The following RAB11FIP3 variants were observed in gnomAD, a reference collection of about 807,000 sequenced individuals.
RAB11FIP3 encodes rab11 family-interacting protein 3.
RAB11FIP3 carries 17 observed loss-of-function variants against 77.8 expected under a neutral mutation model. The ratio of observed to expected loss-of-function variants is 0.22; its 90% CI spans 0.15 to 0.33. RAB11FIP3 has a LOEUF of 0.33. Among genes scored for constraint, RAB11FIP3 ranks in the 10% least tolerant of loss-of-function variants. RAB11FIP3 has a pLI of 1.00. For missense variants in RAB11FIP3, 1,005 were observed against 1,011.2 expected (o/e 0.99, Z 0.08); for synonymous variants, 437 against 448.2 (o/e 0.98, Z 0.31).
intron 7 of RAB11FIP3, among the ~76,000 whole-genome samples, chr16:504,877 TCACCTCCTCCTGCTCCCC>T (rs1214074844): frequency 1.1e-4 from 1 of 9,290 alleles, no homozygotes; most frequent in Non-Finnish European, 2.0e-4. Context: ...CTGTACCCCC[TCACCTCCTCCTGCTCCCC>T]CACCTCCTCC....
rs145080315 is a variant in RAB11FIP3, at chr16:468,906, G to A, written c.809-2389G>A. Among the ~76,000 whole-genome samples, 472 of 152,336 alleles carry A rather than the reference G, an allele frequency of 3.1e-3. 2 individuals carry two copies. The highest frequency in any genetic ancestry group is 0.011 in the African/African-American group (447 of 41,584). On this transcript the variant is annotated intron_variant, in intron 2 of 13. Transcript: ENST00000262305. ...TCCCCTGCTCCGCCCTCTGGGGCAA[G>A]ACCCTCAGATTGTTTGCCCACTGTC...
intron 1 of RAB11FIP3, among the ~76,000 whole-genome samples, chr16:431,842 C>T (rs1009519452): frequency 6.6e-6 from 1 of 151,646 alleles, no homozygotes; most frequent in Non-Finnish European, 1.5e-5. Flanking sequence ...CTGCAAGCTC[C>T]GCCTCCCGGG....
intron 8 of RAB11FIP3, among the ~76,000 whole-genome samples, chr16:509,799 C>T (rs2032044464): frequency 6.6e-6 from 1 of 152,160 alleles, no homozygotes; most frequent in Non-Finnish European, 1.5e-5. Context: ...CCGGATGTGC[C>T]CAGCTGCCAG....
At position 505,841 on chromosome 16, in the gene RAB11FIP3, G is replaced by A. The variant is rs1438067750; in HGVS notation, c.1499+214G>A. Among the ~76,000 whole-genome samples the A allele has an allele frequency of 2.0e-5, 3 of 152,280 alleles. No homozygotes were observed. The highest frequency in any genetic ancestry group is 7.2e-5 in the African/African-American group (3 of 41,558). On this transcript the variant is annotated intron_variant, in intron 8 of 13. Transcript: ENST00000262305. The surrounding 1 kb of genome is among the most constrained non-coding windows in gnomAD (Gnocchi z 4.0). ...CGAGGCTCTGACTGGTGCTCTCATG[G>A]AACCCTAGACACACAGAGGGCCAGA...
chr16:475,864 A>G (rs1249379782), intron 3 of RAB11FIP3, among the ~76,000 whole-genome samples: 1 of 148,330 alleles, frequency 6.7e-6, no homozygotes, highest in Non-Finnish European at 1.5e-5. Context: ...TTATTTTTTA[A>G]ATTGTTTTTT....
chr16:473,027 C>T (rs903613565), intron 3 of RAB11FIP3, among the ~76,000 whole-genome samples: 2 of 152,190 alleles, frequency 1.3e-5, no homozygotes, highest in African/African-American at 2.4e-5. Context: ...TAGGCAGGAG[C>T]CAGCCCTGCT....
At chr16:492,814 A>T (rs1020517043) in intron 5 of RAB11FIP3, among the ~76,000 whole-genome samples, 8 of 152,094 alleles carry the variant, frequency 5.3e-5, no homozygotes, top group South Asian at 2.1e-4. Context: ...TTTTTCCCAC[A>T]TTGAGAACTA....
chr16:466,813 C>A (rs1427314321), intron 2 of RAB11FIP3, among the ~76,000 whole-genome samples: 1 of 152,218 alleles, frequency 6.6e-6, no homozygotes, highest in Non-Finnish European at 1.5e-5. Context: ...CCCCGTTCTC[C>A]TTCCCAGCAG....
At position 506,591 on chromosome 16, in the gene RAB11FIP3, G is replaced by T. The variant is rs1057157906; in HGVS notation, c.1499+964G>T. Among the ~76,000 whole-genome samples the T allele has an allele frequency of 2.7e-5, 4 of 149,672 alleles. No individual in the cohort carries two copies. Among genetic ancestry groups the T allele is most frequent in the African/African-American group, 9.8e-5 (4 of 40,868 alleles). ...CTGCACACACGTGTGTTGGCAGCAG[G>T]GCATTTGTGGTCAGCATCCCCAAAG... On this transcript the variant is annotated intron_variant, in intron 8 of 13. Transcript: ENST00000262305. This position sits in a 1 kb window ranked among gnomAD's most constrained non-coding sequence, Gnocchi z 4.5.
At chr16:508,669 T>C (rs7185282) in intron 8 of RAB11FIP3, among the ~76,000 whole-genome samples, 7,671 of 152,042 alleles carry the variant, frequency 0.05, 297 homozygotes, top group African/African-American at 0.11. Context: ...CCACCGCGCC[T>C]GGCCTAGGTT....
intron 5 of RAB11FIP3, among the ~76,000 whole-genome samples, chr16:494,318 A>G (rs923742695): frequency 1.5e-4 from 22 of 151,706 alleles, no homozygotes; most frequent in Admixed American, 1.3e-3. Flanking sequence ...AACAATAATA[A>G]GATAAAATTA....
At chr16:457,511 C>CT (rs35462064) in intron 1 of RAB11FIP3, among the ~76,000 whole-genome samples, 20,454 of 138,978 alleles carry the variant, frequency 0.15, 2,015 homozygotes, top group African/African-American at 0.28. Flanking sequence ...ACAGTTTCAC[C>CT]TTTTTTTTTT....
chr16:432,602 T>TG (rs1394642452), intron 1 of RAB11FIP3, among the ~76,000 whole-genome samples: 16 of 143,926 alleles, frequency 1.1e-4, no homozygotes, highest in African/African-American at 2.4e-4. Flanking sequence ...TTTTTTTTTT[T>TG]TGTGTGTGTG....
Position 503,102 on chromosome 16 carries a change from G to A in RAB11FIP3, c.1395+5G>A, listed in dbSNP as rs770879045. On this transcript the variant is annotated splice_donor_5th_base_variant and intron_variant, in intron 7 of 13. Transcript: ENST00000262305. ...GAGGAGGACATTGCTGACAAGGTAG[G>A]CCCTGGAGGGCTGGGTAGGTGGCAA... is the stretch of plus-strand genomic sequence containing the variant. The A allele has an allele frequency of 1.9e-6, 3 of 1,603,830 alleles. No homozygotes were observed. The highest frequency in any genetic ancestry group is 2.6e-6 in the Non-Finnish European group (3 of 1,172,826).
intron 9 of RAB11FIP3, among the ~76,000 whole-genome samples, chr16:512,182 T>C (rs986295142): frequency 6.7e-6 from 1 of 149,486 alleles, no homozygotes; most frequent in Non-Finnish European, 1.5e-5. Context: ...CTGGTTTCTG[T>C]AAATCCATGT....
chr16:432,663 G>C (rs994738859), intron 1 of RAB11FIP3, among the ~76,000 whole-genome samples: 61 of 146,960 alleles, frequency 4.2e-4, no homozygotes, highest in Non-Finnish European at 1.2e-4. Flanking sequence ...TCAGTGGTAC[G>C]ATCTCGGCTC....
chr16:505,128 C>G lies in RAB11FIP3; in HGVS notation c.1396-396C>G, dbSNP rs562621377. Among the ~76,000 whole-genome samples the G allele has an allele frequency of 4.2e-4, 64 of 151,408 alleles. 2 individuals are homozygous for G. The South Asian group carries it at 0.011, about 27-fold the overall frequency. On this transcript the variant is annotated intron_variant, in intron 7 of 13. Transcript: ENST00000262305. The surrounding 1 kb of genome is among the most constrained non-coding windows in gnomAD (Gnocchi z 4.0). ...GGTGTGAACTCTCTGAGGGAGGGAC[C>G]GAGACATGGATCTGTCTGTCCCTTG...
intron 3 of RAB11FIP3, among the ~76,000 whole-genome samples, chr16:477,393 G>A (rs1320796764): frequency 6.6e-6 from 1 of 152,244 alleles, no homozygotes; most frequent in Non-Finnish European, 1.5e-5. Flanking sequence ...CTGGGGCAGT[G>A]TGGCCCCTGT....
chr16:486,480 G>A (rs1181787296), intron 4 of RAB11FIP3, among the ~76,000 whole-genome samples: 3 of 152,194 alleles, frequency 2.0e-5, no homozygotes, highest in South Asian at 4.1e-4. Flanking sequence ...GCGACAGAGC[G>A]AGACTCTATC....
Sources: allele counts gnomAD v4.1 joint callset (sites outside exome capture counted in the v4.1 genomes callset), GRCh38; gene constraint gnomAD v4.1.1; non-coding constraint Gnocchi (gnomAD v3.1); transcripts MANE v1.5; gene names NCBI Gene and HGNC (gene_info 2026-07-23, HGNC 2026-07-21).